Variants in PRDM7 observed in about 807,000 individuals in gnomAD.
The protein encoded by PRDM7 is PR/SET domain 7.
In PRDM7, 52 loss-of-function variants were observed where a neutral mutation model predicts 64.3. That is an observed-to-expected ratio of 0.81 (90% CI 0.65 to 1.02). PRDM7 has a LOEUF of 1.02. PRDM7 is among the 50% of genes least tolerant of loss of function. The probability of loss-of-function intolerance (pLI) is 0.00; values close to 1 mark genes in which losing one functional copy is unlikely to be tolerated. For synonymous variants in PRDM7, 192 were observed against 210.1 expected (o/e 0.91, Z 0.74); for missense variants, 574 against 597.1 (o/e 0.96, Z 0.40).
At position 90,058,037 on chromosome 16, in the gene PRDM7, CT is replaced by C. The variant is rs893911953; in HGVS notation, c.*251del. The C allele has an allele frequency of 5.9e-5, 95 of 1,611,470 alleles. No individual in the cohort carries two copies. The highest frequency in any genetic ancestry group is 5.3e-4 in the African/African-American group (40 of 74,866). On this transcript the variant is annotated 3_prime_UTR_variant, in exon 11 of 11. Transcript: ENST00000449207. ...TCTCTGCAGACGTAGGGCTTCCCCC[CT>C]GTGTGTGTCCTTTGGTGTGTAATAA...
intron 4 of PRDM7, among the ~76,000 whole-genome samples, chr16:90,067,764 G>T (rs889157182): frequency 1.3e-5 from 2 of 150,270 alleles, no homozygotes; most frequent in Admixed American, 1.3e-4. Flanking sequence ...CTAATTTTTT[G>T]TATTTTTAGT....
chr16:90,058,160 C>T lies in PRDM7; in HGVS notation c.*129G>A. On this transcript the variant is annotated 3_prime_UTR_variant, in exon 11 of 11. Coordinates refer to ENST00000449207, the MANE Select transcript of PRDM7 (RefSeq NM_001098173.2). ...CCCACAAATAATTTGCCTGTGTTCC[C>T]TGGATTCACTTTCTGGCCTGTTCTG... 6.2e-7 allele frequency: 1 copy of T among 1,614,200 alleles called. No individual in the cohort carries two copies. The highest frequency in any genetic ancestry group is 8.5e-7 in the Non-Finnish European group (1 of 1,180,024).
chr16:90,076,731 G>C (rs1258197810), intron 1 of PRDM7, among the ~76,000 whole-genome samples: 1 of 152,034 alleles, frequency 6.6e-6, no homozygotes, highest in African/African-American at 2.4e-5. Flanking sequence ...AGGGGATTTG[G>C]GGTTCCTCGG....
In PRDM7 at chr16:90,061,615, G is replaced by A. The variant is rs546374605; in HGVS notation, c.883-96C>T. 132 of 1,410,334 alleles carry A rather than the reference G, an allele frequency of 9.4e-5. No homozygotes were observed. The East Asian group carries it at 2.9e-3, about 31-fold the overall frequency. 87.4% of individuals were successfully genotyped at this position (1,410,334 alleles called of 1,614,324 possible). A position where few individuals can be genotyped will look rare whatever the true frequency, so the allele number is the denominator to read the frequency against. On this transcript the variant is annotated intron_variant, in intron 8 of 10. Transcript: ENST00000449207. ...CATCAATGGCCTTTGGACCTGCAGA[G>A]CTTCAACTGCCAACTGAGACCACAT...
At chr16:90,074,276 C>A (rs1345797697) in intron 4 of PRDM7, among the ~76,000 whole-genome samples, 1 of 91,236 alleles carries the variant, frequency 1.1e-5, no homozygotes, top group Non-Finnish European at 2.4e-5. Context: ...TAGTAACAAT[C>A]ATCATCGTCA....
chr16:90,061,433 A>G lies in PRDM7; in HGVS notation c.950+19T>C, dbSNP rs372194966. ...GAGATGGAGGTTCTCTCTGAAACTA[A>G]GAGACCTAGTGGCCTTACCTCATCC... On this transcript the variant is annotated intron_variant, in intron 9 of 10. Coordinates refer to ENST00000449207, the MANE Select transcript of PRDM7 (RefSeq NM_001098173.2). 5.7e-6 allele frequency: 9 copies of G among 1,565,726 alleles called. No individual in the cohort carries two copies. Among genetic ancestry groups the G allele is most frequent in the African/African-American group, 1.4e-5 (1 of 73,794 alleles).
At chr16:90,076,769 T>C (rs1013141426) in intron 1 of PRDM7, among the ~76,000 whole-genome samples, 1 of 152,056 alleles carries the variant, frequency 6.6e-6, no homozygotes, top group African/African-American at 2.4e-5. Flanking sequence ...TATTTGAGGC[T>C]GAGGAAATTC....
In PRDM7 at chr16:90,062,383, G is replaced by T. The variant is rs766857554; in HGVS notation, c.610+18C>A. 1 of 1,612,784 alleles carries T rather than the reference G, an allele frequency of 6.2e-7. No individual in the cohort carries two copies. Among genetic ancestry groups the T allele is most frequent in the Non-Finnish European group, 8.5e-7 (1 of 1,178,734 alleles). ...GACATAACAGCAAGCTGTGTGAGTG[G>T]CTGAAAGGGTCACTCACAGAGGTAG... On this transcript the variant is annotated intron_variant, in intron 7 of 10. Transcript: ENST00000449207.
chr16:90,076,034 T>G, intron 1 of PRDM7, 39 bp from the exon 2 acceptor site: 1 of 1,095,850 alleles, frequency 9.1e-7, no homozygotes, highest in South Asian at 1.4e-5. Flanking sequence ...GCAACAGCCC[T>G]GAGCACTACC....
rs1425723058 is a variant in PRDM7, at chr16:90,066,893, C to G, written c.319G>C (p.Ala107Pro). Residue 107 changes from alanine to proline, a missense_variant, in exon 5 of 11, where the codon GCC (alanine) becomes CCC (proline). Transcript: ENST00000449207. ...PRQQVKPPWMAFRGEQSKHQK... is the reference protein window; with the variant it reads ...PRQQVKPPWMPFRGEQSKHQK... ...TGTTTACTCTGTTCTCCTCTGAAGG[C>G]CATCCAAGGAGGTTTGACTAAGAGG... 2.5e-6 allele frequency: 4 copies of G among 1,599,532 alleles called. No homozygotes were observed. The highest frequency in any genetic ancestry group is 3.4e-6 in the Non-Finnish European group (4 of 1,169,236).
In PRDM7 at chr16:90,075,333, C is replaced by T. The variant is rs776579204; in HGVS notation, c.193+18G>A. ...TTTATATCGCCCAGGCTGGTCTGTGCCCAGCACTTCCTGTTACCTACAGTA... is the reference window on the plus strand; with the variant it reads ...TTTATATCGCCCAGGCTGGTCTGTGTCCAGCACTTCCTGTTACCTACAGTA... On this transcript the variant is annotated intron_variant, in intron 3 of 10. Coordinates refer to ENST00000449207, the MANE Select transcript of PRDM7 (RefSeq NM_001098173.2). This position sits in a 1 kb window ranked among gnomAD's most constrained non-coding sequence, Gnocchi z 4.3. 1.6e-5 allele frequency: 26 copies of T among 1,614,062 alleles called. No homozygotes were observed. In the South Asian group the frequency reaches 2.9e-4, roughly 18 times the overall value.
At chr16:90,066,632 A>G (rs1220619738) in intron 5 of PRDM7, among the ~76,000 whole-genome samples, 1 of 151,250 alleles carries the variant, frequency 6.6e-6, no homozygotes, top group Non-Finnish European at 1.5e-5. Context: ...AAGTTTATTC[A>G]TGTAAAATGC....
chr16:90,066,986 A>G (rs1183425221), intron 4 of PRDM7, 76 bp from the exon 5 acceptor site: 3 of 1,282,812 alleles, frequency 2.3e-6, no homozygotes, highest in Admixed American at 3.5e-5. Flanking sequence ...TCTTTTTGAT[A>G]TGGAGTCTCC....
intron 6 of PRDM7, 68 bp downstream of exon 6, chr16:90,063,544 G>A: frequency 1.3e-6 from 2 of 1,568,510 alleles, no homozygotes; most frequent in Admixed American, 1.7e-5. Context: ...CCCCACATAG[G>A]TAGACCATAC....
chr16:90,063,815 G>C, intron 5 of PRDM7, 47 bp from the exon 6 acceptor site: 1 of 1,601,428 alleles, frequency 6.2e-7, no homozygotes, highest in Non-Finnish European at 8.5e-7. Flanking sequence ...CATTTATTTA[G>C]TTCTTTACGG....
chr16:90,074,273 AATCATCATCGTCATCATC>A (rs1180226070), intron 4 of PRDM7, among the ~76,000 whole-genome samples: 1 of 117,312 alleles, frequency 8.5e-6, no homozygotes, highest in Non-Finnish European at 1.8e-5. Context: ...TAATAGTAAC[AATCATCATCGTCATCATC>A]ATCATCATCA....
chr16:90,074,474 A>C (rs1001811152), intron 4 of PRDM7, among the ~76,000 whole-genome samples: 3 of 151,692 alleles, frequency 2.0e-5, no homozygotes, highest in Admixed American at 1.3e-4. Flanking sequence ...CTACTCGAGA[A>C]GCTGAGGTGG....
Position 90,075,794 on chromosome 16 carries a change from G to A in PRDM7, c.69+48C>T, listed in dbSNP as rs1275359645. ...CAGGCCAGGAGTCTGCAGCACTCCA[G>A]AGATCAGCTCCTGCTGGGAGTCTGG... On this transcript the variant is annotated intron_variant, in intron 2 of 10. Coordinates refer to ENST00000449207, the MANE Select transcript of PRDM7 (RefSeq NM_001098173.2). The surrounding 1 kb of genome is among the most constrained non-coding windows in gnomAD (Gnocchi z 4.3). The A allele has an allele frequency of 6.3e-7, 1 of 1,593,608 alleles. No homozygotes were observed.
intron 4 of PRDM7, among the ~76,000 whole-genome samples, chr16:90,068,766 A>G (rs748613889): frequency 4.6e-5 from 7 of 151,362 alleles, no homozygotes. Flanking sequence ...CAATCACAAT[A>G]GCATCAAAAA....
Sources: gnomAD v4.1 joint callset for allele counts (sites outside exome capture counted in the v4.1 genomes callset) on GRCh38, gnomAD v4.1.1 for gene constraint, Gnocchi (gnomAD v3.1) non-coding constraint, MANE v1.5 for transcripts, NCBI Gene and HGNC (gene_info 2026-07-23, HGNC 2026-07-21) for gene names.